The following KCNIP1 variants were observed in gnomAD, a reference collection of about 807,000 sequenced individuals.
KCNIP1 encodes the protein A-type potassium channel modulatory protein KCNIP1.
KCNIP1 carries 18 observed loss-of-function variants against 33.0 expected under a neutral mutation model. The ratio of observed to expected loss-of-function variants is 0.55; its 90% confidence interval spans 0.38 to 0.81. KCNIP1 has a LOEUF of 0.81. Among genes scored for constraint, KCNIP1 ranks in the 30% least tolerant of loss-of-function variants. The pLI is 0.00. For synonymous variants in KCNIP1, 93 were observed against 98.3 expected (o/e 0.95, Z 0.32); for missense variants, 238 against 271.6 (o/e 0.88, Z 0.87).
At chr5:170,717,737 TG>T (rs1193181201) in intron 1 of KCNIP1, among the ~76,000 whole-genome samples, 4 of 152,212 alleles carry the variant, frequency 2.6e-5, no homozygotes, top group African/African-American at 9.6e-5. Context: ...GTGCTTGCTG[TG>T]GGTTGCCACA....
intron 1 of KCNIP1, among the ~76,000 whole-genome samples, chr5:170,637,070 TAGAC>T (rs572651607): frequency 1.9e-4 from 29 of 151,748 alleles, no homozygotes; most frequent in African/African-American, 4.1e-4. Context: ...GCATTCAAAA[TAGAC>T]AGCCAATCAG....
intron 1 of KCNIP1, chr5:170,378,131 T>C (rs1168435947): frequency 6.6e-6 from 1 of 152,230 alleles, no homozygotes; most frequent in Non-Finnish European, 1.5e-5. Context: ...CGCTAAAATT[T>C]TGATGAGTTC....
chr5:170,354,060 C>T, intron 1 of KCNIP1: 1 of 1,157,648 alleles, frequency 8.6e-7, no homozygotes, highest in Non-Finnish European at 1.3e-6. Flanking sequence ...CTGGTGCACC[C>T]AGGTCTTGGA....
At chr5:170,412,212 CA>C (rs139054803) in intron 1 of KCNIP1, among the ~76,000 whole-genome samples, 98 of 144,836 alleles carry the variant, frequency 6.8e-4, no homozygotes, top group Non-Finnish European at 1.3e-3. Context: ...CCCCACCAGT[CA>C]GATGACCTTC....
exon 1 of KCNIP1, chr5:170,353,761 G>T (rs1404891599): frequency 2.3e-6 from 2 of 870,264 alleles, no homozygotes; most frequent in Non-Finnish European, 3.7e-6. Context: ...GGCTTCAGGG[G>T]TGCATCCGTC....
intron 1 of KCNIP1, among the ~76,000 whole-genome samples, chr5:170,552,097 G>A (rs1159231449): frequency 6.9e-6 from 1 of 144,596 alleles, no homozygotes; most frequent in Non-Finnish European, 1.5e-5. Context: ...TGCGTAGATC[G>A]AGGATGCTGC....
At chr5:170,650,680 C>T (rs1395131113) in intron 1 of KCNIP1, among the ~76,000 whole-genome samples, 2 of 152,190 alleles carry the variant, frequency 1.3e-5, no homozygotes, top group Non-Finnish European at 2.9e-5. Context: ...GGGCAAATAC[C>T]TAGGGGTGGA....
At chr5:170,475,547 G>A (rs557823874) in intron 1 of KCNIP1, among the ~76,000 whole-genome samples, 5 of 152,306 alleles carry the variant, frequency 3.3e-5, no homozygotes, top group Admixed American at 3.3e-4. Context: ...GGCTCTCACT[G>A]CTGGTAAGAC....
intron 1 of KCNIP1, among the ~76,000 whole-genome samples, chr5:170,526,188 A>G (rs1236842343): frequency 1.3e-5 from 2 of 152,188 alleles, no homozygotes; most frequent in Non-Finnish European, 2.9e-5. Context: ...GGGCACCCCA[A>G]TACCCTCATT....
intron 1 of KCNIP1, among the ~76,000 whole-genome samples, chr5:170,367,832 A>G (rs1032388917): frequency 6.6e-6 from 1 of 152,236 alleles, no homozygotes; most frequent in Non-Finnish European, 1.5e-5. Context: ...TGGCCCATCT[A>G]ACCCATTGAC....
At position 170,504,484 on chromosome 5, in the gene KCNIP1, T is replaced by C; in HGVS notation, c.-89T>C. The C allele has an allele frequency of 6.3e-7, 1 of 1,593,112 alleles. No homozygotes were observed. The highest frequency in any genetic ancestry group is 1.1e-5 in the South Asian group (1 of 90,328). On this transcript the variant is annotated 5_prime_UTR_variant, in exon 1 of 8. Coordinates refer to ENST00000328939, the MANE Select transcript of KCNIP1 (RefSeq NM_014592.4). The surrounding 1 kb of genome is among the most constrained non-coding windows in gnomAD (Gnocchi z 6.0). ...TGCCGGGCGCTTTTCTCTCCTCCAA[T>C]TCAGAGTAGACAAACCACGGGGATT...
At chr5:170,727,438 T>A (rs774772872) in intron 5 of KCNIP1, among the ~76,000 whole-genome samples, 8 of 152,182 alleles carry the variant, frequency 5.3e-5, no homozygotes, top group Non-Finnish European at 1.0e-4. Context: ...TTAAAATGGG[T>A]GAATTTGTTA....
intron 1 of KCNIP1, among the ~76,000 whole-genome samples, chr5:170,456,701 T>TCTCTCTTTCTTTCTTTCTTTCTTTCTTTC (rs1756385710): frequency 1.2e-4 from 16 of 135,678 alleles, no homozygotes; most frequent in African/African-American, 4.5e-4. Context: ...CTCTCTCTCT[T>TCTCTCTTTCTTTCTTTCTTTCTTTCTTTC]TTTCTTTCTT....
chr5:170,656,867 C>G (rs10041588), intron 1 of KCNIP1, among the ~76,000 whole-genome samples: 14,951 of 152,260 alleles, frequency 0.098, 817 homozygotes, highest in African/African-American at 0.11. Context: ...GCCCTTGGCT[C>G]CCGCTGTGGC....
chr5:170,714,505 C>T (rs1382282087), intron 1 of KCNIP1, among the ~76,000 whole-genome samples: 5 of 152,190 alleles, frequency 3.3e-5, no homozygotes, highest in African/African-American at 1.2e-4. Flanking sequence ...ACTGAAAGTA[C>T]AGTCATGCTC....
chr5:170,436,162 G>A (rs1755858282), intron 1 of KCNIP1, among the ~76,000 whole-genome samples: 2 of 152,316 alleles, frequency 1.3e-5, no homozygotes, highest in East Asian at 1.9e-4. Flanking sequence ...CAGAATCAAA[G>A]AGCCACTGCT....
At chr5:170,363,853 C>T (rs6893608) in intron 1 of KCNIP1, among the ~76,000 whole-genome samples, 30,358 of 152,100 alleles carry the variant, frequency 0.2, 3,474 homozygotes, top group African/African-American at 0.32. Flanking sequence ...ACTGCACCCA[C>T]TAAACCCTTC....
chr5:170,660,547 G>A (rs1581461745), intron 1 of KCNIP1, among the ~76,000 whole-genome samples: 1 of 152,182 alleles, frequency 6.6e-6, no homozygotes, highest in Non-Finnish European at 1.5e-5. Context: ...AAGAGCTAGG[G>A]TGAGGGGAGA....
At chr5:170,697,861 T>A (rs1165519311) in intron 1 of KCNIP1, among the ~76,000 whole-genome samples, 1 of 152,076 alleles carries the variant, frequency 6.6e-6, no homozygotes, top group African/African-American at 2.4e-5. Flanking sequence ...CTTGGGAAAT[T>A]ATCAACATCT....
Sources: allele counts gnomAD v4.1 joint callset (sites outside exome capture counted in the v4.1 genomes callset), GRCh38; gene constraint gnomAD v4.1.1; non-coding constraint Gnocchi (gnomAD v3.1); transcripts MANE v1.5; gene names NCBI Gene and HGNC (gene_info 2026-07-23, HGNC 2026-07-21).